The following LMLN variants were observed in gnomAD, a reference collection of about 807,000 sequenced individuals.
LMLN encodes the protein leishmanolysin-like peptidase.
LMLN carries 70 observed loss-of-function variants against 92.3 expected under a neutral mutation model. That is an observed-to-expected ratio of 0.76 (90% confidence interval 0.63 to 0.92). LMLN has a LOEUF of 0.92. Ranked by LOEUF, LMLN falls within the 40% of genes least tolerant of loss-of-function variation. The pLI is 0.00. For missense variants in LMLN, 691 were observed against 814.6 expected (o/e 0.85, Z 1.85); for synonymous variants, 308 against 296.2 (o/e 1.04, Z -0.41).
chr3:198,024,716 G>A, exon 14 of LMLN: 1 of 1,612,516 alleles, frequency 6.2e-7, no homozygotes. Context: ...GTCTAATTCA[G>A]AAATCAGCAT....
At chr3:197,996,108 A>C (rs906845903) in intron 9 of LMLN, 67 bp from the exon 10 acceptor site, 2 of 759,586 alleles carry the variant, frequency 2.6e-6, no homozygotes, top group Non-Finnish European at 4.2e-6. Flanking sequence ...CATGTGATGA[A>C]AAGTTTGCTG....
At chr3:198,005,709 A>G (rs968458492) in intron 11 of LMLN, among the ~76,000 whole-genome samples, 1 of 148,768 alleles carries the variant, frequency 6.7e-6, no homozygotes, top group East Asian at 2.0e-4. Context: ...GTCTCAGCTC[A>G]CTGCAACCTC....
intron 14 of LMLN, among the ~76,000 whole-genome samples, chr3:198,028,875 C>G (rs192785543): frequency 6.6e-6 from 1 of 152,328 alleles, no homozygotes; most frequent in East Asian, 1.9e-4. Flanking sequence ...ATTTTTTACA[C>G]CAATAGTATC....
chr3:197,979,594 G>A (rs558058290), intron 5 of LMLN, among the ~76,000 whole-genome samples: 4 of 152,094 alleles, frequency 2.6e-5, no homozygotes, highest in African/African-American at 4.8e-5. Context: ...GAGACAGGCC[G>A]ATCACAAGTT....
chr3:197,989,539 C>T (rs1459402470), intron 8 of LMLN, among the ~76,000 whole-genome samples: 1 of 152,126 alleles, frequency 6.6e-6, no homozygotes, highest in Non-Finnish European at 1.5e-5. Context: ...TCCTTATATA[C>T]TTGGATATCT....
At chr3:198,038,933 C>A in exon 16 of LMLN, 1 of 362,502 alleles carries the variant, frequency 2.8e-6, no homozygotes, top group Non-Finnish European at 5.1e-6. Context: ...CGTCAGCAAC[C>A]CAACCACCTC....
chr3:197,984,617 A>ATT (rs997489128), intron 7 of LMLN, among the ~76,000 whole-genome samples: 1 of 145,582 alleles, frequency 6.9e-6, no homozygotes, highest in Non-Finnish European at 1.5e-5. Context: ...CACTTGGCTA[A>ATT]TTTTTTTTTT....
chr3:198,023,024 G>A (rs1353803838), intron 13 of LMLN, among the ~76,000 whole-genome samples: 2 of 152,032 alleles, frequency 1.3e-5, no homozygotes, highest in Non-Finnish European at 1.5e-5. Flanking sequence ...TTTTGTTAAC[G>A]GGGAAAATTA....
intron 9 of LMLN, among the ~76,000 whole-genome samples, chr3:197,995,726 A>G (rs1721999367): frequency 6.6e-6 from 1 of 152,150 alleles, no homozygotes; most frequent in South Asian, 2.1e-4. Context: ...CTGAGAGTAA[A>G]TTTAAAATAT....
chr3:198,008,729 A>G (rs899352608), intron 11 of LMLN, among the ~76,000 whole-genome samples: 22 of 152,264 alleles, frequency 1.4e-4, no homozygotes, highest in African/African-American at 5.1e-4. Flanking sequence ...TAAATGATTT[A>G]TATAATACTC....
At chr3:197,994,102 A>G (rs1721955363) in intron 9 of LMLN, among the ~76,000 whole-genome samples, 1 of 152,238 alleles carries the variant, frequency 6.6e-6, no homozygotes, top group Non-Finnish European at 1.5e-5. Flanking sequence ...ATCTCACACC[A>G]TATATACAAA....
At chr3:197,974,445 C>A in exon 2 of LMLN, 1 of 1,582,812 alleles carries the variant, frequency 6.3e-7, no homozygotes, top group South Asian at 1.1e-5. Context: ...ATTTAAGAAT[C>A]AAGACTGTCT....
chr3:197,998,443 T>C (rs142200888), intron 10 of LMLN, among the ~76,000 whole-genome samples: 4,073 of 152,332 alleles, frequency 0.027, 80 homozygotes, highest in Non-Finnish European at 0.041. Context: ...AGAAATTTTC[T>C]TAAGTGACTC....
exon 10 of LMLN, chr3:197,996,264 G>T: frequency 6.3e-7 from 1 of 1,592,962 alleles, no homozygotes; most frequent in Admixed American, 1.8e-5. Context: ...TCAACCATTG[G>T]GAAAAAAGGT....
intron 2 of LMLN, 95 bp downstream of exon 2, chr3:197,974,569 A>C: frequency 1.5e-6 from 1 of 645,616 alleles, no homozygotes; most frequent in Non-Finnish European, 2.6e-6. Context: ...ATCCATAGAT[A>C]AAACTTAAGG....
rs972062966 is a variant in LMLN at position 198,042,443 on chromosome 3, A to T, written c.*3776A>T. ...TTTAGAATCCGAGATGTCATTGCAG[A>T]ATTATTGGTATAAAATTCAGCTGCA... On this transcript the variant is annotated 3_prime_UTR_variant, in exon 16 of 16. Transcript: ENST00000330198. The surrounding 1 kb of genome is among the most constrained non-coding windows in gnomAD (Gnocchi z 4.2). 2.6e-5 allele frequency: 4 copies of T among 152,194 alleles called. No individual in the cohort carries two copies. The highest frequency in any genetic ancestry group is 6.5e-5 in the Admixed American group (1 of 15,282). The allele number at this position is 152,194 out of a possible 1,614,324, so 9.4% of individuals were successfully genotyped here.
intron 2 of LMLN, among the ~76,000 whole-genome samples, chr3:197,974,722 G>C (rs1001439180): frequency 3.9e-5 from 6 of 152,154 alleles, no homozygotes; most frequent in Non-Finnish European, 5.9e-5. Context: ...AATTTAAACA[G>C]AACAAATGTG....
intron 8 of LMLN, among the ~76,000 whole-genome samples, chr3:197,987,166 T>TC (rs1294609581): frequency 6.9e-6 from 1 of 144,344 alleles, no homozygotes; most frequent in African/African-American, 2.6e-5. Flanking sequence ...GAATTTTTTT[T>TC]TTTTTTTTTT....
At chr3:197,975,948 C>T in intron 3 of LMLN, 81 bp from the exon 4 acceptor site, 1 of 828,614 alleles carries the variant, frequency 1.2e-6, no homozygotes, top group Non-Finnish European at 1.9e-6. Context: ...TTTTTCATTA[C>T]TATCCTGTGT....
Sources: gnomAD v4.1 joint callset for allele counts (sites outside exome capture counted in the v4.1 genomes callset) on GRCh38, gnomAD v4.1.1 for gene constraint, Gnocchi (gnomAD v3.1) non-coding constraint, MANE v1.5 for transcripts, NCBI Gene and HGNC (gene_info 2026-07-23, HGNC 2026-07-21) for gene names.